The following SPATA31E1 variants were observed in gnomAD, a reference collection of about 807,000 sequenced individuals.
The protein encoded by SPATA31E1 is spermatogenesis-associated protein 31E1.
A neutral mutation model predicts 12.9 loss-of-function variants in SPATA31E1; 7 were observed. The ratio of observed to expected loss-of-function variants is 0.54; its 90% CI spans 0.31 to 1.02. The LOEUF (loss-of-function observed/expected upper bound fraction) is 1.02. Ranked by LOEUF, SPATA31E1 falls within the 50% of genes least tolerant of loss-of-function variation. SPATA31E1 has a pLI of 0.05. For missense variants in SPATA31E1, 1,961 were observed against 1,799.8 expected, an observed-to-expected ratio of 1.09 and a Z score of -1.62; for synonymous variants, 771 against 719.0, an observed-to-expected ratio of 1.07 and a Z score of -1.16.
rs757646229 is a variant in SPATA31E1 at position 87,885,298 on chromosome 9, A to C, written c.811A>C (p.Thr271Pro). The C allele has an allele frequency of 2.5e-6, 4 of 1,613,986 alleles. No individual in the cohort carries two copies. The Admixed American group carries it at 6.7e-5, about 27-fold the overall frequency. ...SSLAGLQCGS[T>P]TCPVPQSSPL... ...CCTGGCTGGACTTCAGTGTGGCTCC[A>C]CAACATGCCCCGTCCCCCAGAGCTC... The change falls in exon 4 of 4, where the codon ACA (threonine) becomes CCA (proline). Residue 271 changes from threonine (T) to proline (P), a missense_variant. Transcript: ENST00000325643.
rs1564127394 is a variant in SPATA31E1, at chr9:87,884,025, A to C, written c.343A>C (p.Arg115=). The C allele has an allele frequency of 7.5e-6, 12 of 1,606,792 alleles. No homozygotes were observed. Among genetic ancestry groups the C allele is most frequent in the Non-Finnish European group, 1.0e-5 (12 of 1,176,178 alleles). ...QRERSGRSRS[R]KISALKACRI... is the part of the protein sequence containing the mutation. Reference sequence around the variant, plus strand: ...GGAGAGAAGCGGGAGGTCCAGGAGCAGGAAGATCTCAGCTCTGAAAGGTGA... The same window carrying C: ...GGAGAGAAGCGGGAGGTCCAGGAGCCGGAAGATCTCAGCTCTGAAAGGTGA... Residue 115 remains arginine (R), a synonymous_variant, in exon 2 of 4, where the codon AGG becomes CGG. Transcript: ENST00000325643.
At position 87,887,374 on chromosome 9, in the gene SPATA31E1, A is replaced by G. The variant is rs186321549; in HGVS notation, c.2887A>G (p.Thr963Ala). The change falls in exon 4 of 4, where the codon ACA becomes GCA. Residue 963 changes from threonine to alanine, a missense_variant. Thr to Ala is a moderately conservative substitution (Grantham distance 58). Coordinates refer to ENST00000325643, the MANE Select transcript of SPATA31E1 (RefSeq NM_178828.5). ...HKGRGCSQPP[T>A]CSLVGRTWQS... is the part of the protein sequence containing the mutation. ...GGGCAGGGGGTGTTCTCAGCCCCCA[A>G]CATGCAGCCTTGTGGGCAGAACCTG... The G allele has an allele frequency of 6.5e-4, 1,052 of 1,613,830 alleles. 1 individual carries two copies. Among genetic ancestry groups the G allele is most frequent in the Admixed American group, 1.8e-3 (107 of 60,030 alleles).
rs1297133300 is a variant in SPATA31E1 at position 87,886,152 on chromosome 9, G to A, written c.1665G>A (p.Arg555=). The change falls in exon 4 of 4, where the codon AGG becomes AGA. Residue 555 remains arginine (R), a synonymous_variant. Transcript: ENST00000325643. ...CATCTTACCCTACATCCCAGGAGAG[G>A]ACACAGTCTGTCATCCCCACTGGAA... ...CGASYPTSQE[R]TQSVIPTGKE... is the part of the protein sequence containing the mutation. The A allele has an allele frequency of 3.7e-6, 6 of 1,603,924 alleles. No homozygotes were observed. The highest frequency in any genetic ancestry group is 5.1e-6 in the Non-Finnish European group (6 of 1,173,820).
Position 87,888,764 on chromosome 9 carries a change from C to T in SPATA31E1, c.4277C>T (p.Ser1426Leu), listed in dbSNP as rs763925690. 26 of 1,613,140 alleles carry T rather than the reference C, an allele frequency of 1.6e-5. No individual in the cohort carries two copies. The South Asian group carries it at 2.5e-4, about 16-fold the overall frequency. Residue 1426 changes from serine (S) to leucine (L), a missense_variant, in exon 4 of 4, where the codon TCG (serine) becomes TTG (leucine). By Grantham distance (145) the Ser-to-Leu change is moderately radical (BLOSUM62 -2). Coordinates refer to ENST00000325643, the MANE Select transcript of SPATA31E1 (RefSeq NM_178828.5). ...CACAGGCCAAGAATGGCAAGCACCT[C>T]GGGCGGCCCCCATCCACAGCTGCAG... ...HHHRPRMAST[S>L]GGPHPQLQEL...
rs138350788 is a variant in SPATA31E1, at chr9:87,887,109, C to G, written c.2622C>G (p.Thr874=). The G allele has an allele frequency of 6.2e-7, 1 of 1,614,116 alleles. No individual in the cohort carries two copies. Among genetic ancestry groups the G allele is most frequent in the Non-Finnish European group, 8.5e-7 (1 of 1,180,022 alleles). ...AGGCCCCGCCCTTCCCACAATCCACCTTTACCCCCTGGGCCTCCTGGGTAT... is the reference window on the plus strand; with the variant it reads ...AGGCCCCGCCCTTCCCACAATCCACGTTTACCCCCTGGGCCTCCTGGGTAT... ...EAQAPPFPQS[T]FTPWASWVSR... is the part of the protein sequence containing the mutation. The change falls in exon 4 of 4, where the codon ACC becomes ACG. Residue 874 remains threonine, a synonymous_variant. Coordinates refer to ENST00000325643, the MANE Select transcript of SPATA31E1 (RefSeq NM_178828.5).
In SPATA31E1 at chr9:87,885,530, A is replaced by T. The variant is rs1286911280; in HGVS notation, c.1043A>T (p.His348Leu). The change falls in exon 4 of 4, where the codon CAC (histidine) becomes CTC (leucine). Residue 348 changes from histidine (H) to leucine (L), a missense_variant. By Grantham distance (99) the His-to-Leu change is moderately conservative. Coordinates refer to ENST00000325643, the MANE Select transcript of SPATA31E1 (RefSeq NM_178828.5). ...TTCTGGGGAGACCCCACACCCAAGC[A>T]CATGGAGGTAGGTGGCTGCACATTC... ...ASFWGDPTPK[H>L]MEVGGCTFIH... The T allele has an allele frequency of 6.2e-7, 1 of 1,614,182 alleles. No individual in the cohort carries two copies. Among genetic ancestry groups the T allele is most frequent in the Non-Finnish European group, 8.5e-7 (1 of 1,180,034 alleles).
In SPATA31E1 at chr9:87,885,901, G is replaced by A. The variant is rs1175884670; in HGVS notation, c.1414G>A (p.Asp472Asn). The A allele has an allele frequency of 6.2e-7, 1 of 1,613,956 alleles. No homozygotes were observed. Among genetic ancestry groups the A allele is most frequent in the Non-Finnish European group, 8.5e-7 (1 of 1,180,010 alleles). The change falls in exon 4 of 4, where the codon GAT becomes AAT. Residue 472 changes from aspartate (D) to asparagine (N), a missense_variant. Asp to Asn is a conservative substitution (Grantham distance 23, BLOSUM62 1). Coordinates refer to ENST00000325643, the MANE Select transcript of SPATA31E1 (RefSeq NM_178828.5). The part of the protein sequence containing the change: ...SSQNAHSVPL[D>N]KASTSLPGEP... The stretch of plus-strand genomic sequence containing the variant: ...ACAGAATGCACACTCTGTACCACTG[G>A]ATAAAGCCTCCACTTCTCTTCCAGG...
rs1828292638 is a variant in SPATA31E1, at chr9:87,887,057, CCATAAA to C, written c.2571_2576del (p.Ile858_Asn859del). Reference sequence around the variant, plus strand: ...GGTACAGACCTCCAGTCCCTGGAGCCCATAAATGTCTGGTCAGGTGAGGCTCAGGCC... The same window carrying C: ...GGTACAGACCTCCAGTCCCTGGAGCCTGTCTGGTCAGGTGAGGCTCAGGCC... On this transcript the variant is annotated inframe_deletion, in exon 4 of 4. Coordinates refer to ENST00000325643, the MANE Select transcript of SPATA31E1 (RefSeq NM_178828.5). The C allele has an allele frequency of 6.2e-7, 1 of 1,613,938 alleles. No homozygotes were observed. The highest frequency in any genetic ancestry group is 1.3e-5 in the African/African-American group (1 of 74,920).
At position 87,887,757 on chromosome 9, in the gene SPATA31E1, G is replaced by T. The variant is rs1349905383; in HGVS notation, c.3270G>T (p.Leu1090=). The T allele has an allele frequency of 6.2e-7, 1 of 1,614,042 alleles. No individual in the cohort carries two copies. Among genetic ancestry groups the T allele is most frequent in the African/African-American group, 1.3e-5 (1 of 75,058 alleles). ...GTGTTGCTCAGGATCCAGAGCAGCT[G>T]CACCTGAAAGCGCAGGTGGTCAGTG... ...SVCVAQDPEQ[L]HLKAQVVSEI... is the part of the protein sequence containing the mutation. Residue 1090 remains leucine, a synonymous_variant, in exon 4 of 4, where the codon CTG becomes CTT. Transcript: ENST00000325643.
rs756542361 is a variant in SPATA31E1 at position 87,885,970 on chromosome 9, C to A, written c.1483C>A (p.Pro495Thr). The change falls in exon 4 of 4, where the codon CCC (proline) becomes ACC (threonine). Residue 495 changes from proline (P) to threonine (T), a missense_variant. Coordinates refer to ENST00000325643, the MANE Select transcript of SPATA31E1 (RefSeq NM_178828.5). Reference sequence around the variant, plus strand: ...ATCCTCACAGCTTTCCCAGGCACCGCCCCAGCCCCACCACATGGCCCAGCC... The same window carrying A: ...ATCCTCACAGCTTTCCCAGGCACCGACCCAGCCCCACCACATGGCCCAGCC... Reference protein sequence around the residue: ...EASSQLSQAPPQPHHMAQPQH... With the variant: ...EASSQLSQAPTQPHHMAQPQH... The A allele has an allele frequency of 6.2e-7, 1 of 1,613,436 alleles. No individual in the cohort carries two copies. The highest frequency in any genetic ancestry group is 8.5e-7 in the Non-Finnish European group (1 of 1,180,004).
rs754518582 is a variant in SPATA31E1, at chr9:87,887,288, C to G, written c.2801C>G (p.Pro934Arg). The G allele has an allele frequency of 1.3e-5, 21 of 1,613,690 alleles. No homozygotes were observed. The East Asian group carries it at 3.3e-4, about 26-fold the overall frequency. The part of the protein sequence containing the change: ...PPEQEGVQRP[P>R]RGSQSADTHG... ...GAGCAGGAGGGAGTCCAGAGGCCCC[C>G]GAGAGGGTCCCAGTCAGCTGATACC... is the stretch of plus-strand genomic sequence containing the variant. Residue 934 changes from proline (P) to arginine (R), a missense_variant, in exon 4 of 4, where the codon CCG becomes CGG. Pro to Arg is a moderately radical substitution (Grantham distance 103, BLOSUM62 -2). Transcript: ENST00000325643.
Position 87,886,218 on chromosome 9 carries a change from G to A in SPATA31E1, c.1731G>A (p.Trp577Ter), listed in dbSNP as rs140110300. The A allele has an allele frequency of 4.6e-5, 75 of 1,613,670 alleles. No individual in the cohort carries two copies. Among genetic ancestry groups the A allele is most frequent in the Non-Finnish European group, 6.3e-5 (74 of 1,179,914 alleles). Residue 577 changes from tryptophan to a stop codon, truncating the protein, a stop_gained, in exon 4 of 4, where the codon TGG becomes TGA. Transcript: ENST00000325643. LOFTEE classifies it low-confidence loss of function (END_TRUNC). ...LEWPLKKRPK[W>*]KRVLPSLLKK... ...GGCCCTTGAAGAAGCGACCAAAGTG[G>A]AAGAGGGTTTTGCCCTCTCTCCTCA...
rs779255071 is a variant in SPATA31E1, at chr9:87,886,854, G to A, written c.2367G>A (p.Trp789Ter). 1.2e-6 allele frequency: 2 copies of A among 1,614,146 alleles called. No homozygotes were observed. Among genetic ancestry groups the A allele is most frequent in the Non-Finnish European group, 1.7e-6 (2 of 1,180,024 alleles). The change falls in exon 4 of 4, where the codon TGG (tryptophan) becomes TGA (stop). Residue 789 changes from tryptophan to a stop codon, truncating the protein, a stop_gained. Transcript: ENST00000325643. LOFTEE classifies it low-confidence loss of function (END_TRUNC). ...GWIPMPVRRSWLMAKCAVPKS... is the reference protein window; with the variant it reads ...GWIPMPVRRS ...TCCCCATGCCTGTGCGTCGCTCCTG[G>A]CTCATGGCCAAATGTGCTGTTCCCA...
chr9:87,888,886 T>C lies in SPATA31E1; in HGVS notation c.*61T>C, dbSNP rs1828339106. On this transcript the variant is annotated 3_prime_UTR_variant, in exon 4 of 4. Transcript: ENST00000325643. ...ACAGGGGGTTCTACTCAAATAAAAC[T>C]GATGCCTACACAATAAACCTGTCCT... 4.1e-6 allele frequency: 6 copies of C among 1,460,940 alleles called. No homozygotes were observed. In the Admixed American group the frequency reaches 1.4e-4, roughly 35 times the overall value. The allele number at this position is 1,460,940 out of a possible 1,614,324, so 90.5% of individuals were successfully genotyped here.
Position 87,887,563 on chromosome 9 carries a change from TGGGCA to T in SPATA31E1, c.3077_3081del (p.Trp1026Ter). 1 of 1,614,084 alleles carries T rather than the reference TGGGCA, an allele frequency of 6.2e-7. No homozygotes were observed. The highest frequency in any genetic ancestry group is 8.5e-7 in the Non-Finnish European group (1 of 1,180,030). On this transcript the variant is annotated frameshift_variant, in exon 4 of 4. Coordinates refer to ENST00000325643, the MANE Select transcript of SPATA31E1 (RefSeq NM_178828.5). LOFTEE classifies it low-confidence loss of function (END_TRUNC). ...GCAAGTGCTCAGCATAGGGTCCCAG[TGGGCA>T]AGGGCTGAAGATGCCCTGCAGGCAC...
In SPATA31E1 at chr9:87,887,285, C is replaced by A. The variant is rs751128403; in HGVS notation, c.2798C>A (p.Pro933His). The change falls in exon 4 of 4, where the codon CCC (proline) becomes CAC (histidine). Residue 933 changes from proline to histidine, a missense_variant. Transcript: ENST00000325643. ...PPPEQEGVQR[P>H]PRGSQSADTH... ...CCTGAGCAGGAGGGAGTCCAGAGGC[C>A]CCCGAGAGGGTCCCAGTCAGCTGAT... 3.2e-5 allele frequency: 52 copies of A among 1,613,790 alleles called. No homozygotes were observed. In the Middle Eastern group the frequency reaches 6.6e-4, roughly 20 times the overall value.
Position 87,886,876 on chromosome 9 carries a change from C to T in SPATA31E1, c.2389C>T (p.Pro797Ser), listed in dbSNP as rs748046417. ...RSWLMAKCAV[P>S]KSDTHRKPGK... is the part of the protein sequence containing the mutation. ...CTGGCTCATGGCCAAATGTGCTGTT[C>T]CCAAGTCTGACACCCACAGGAAACC... The change falls in exon 4 of 4, where the codon CCC becomes TCC. Residue 797 changes from proline (P) to serine (S), a missense_variant. Coordinates refer to ENST00000325643, the MANE Select transcript of SPATA31E1 (RefSeq NM_178828.5). 3.7e-6 allele frequency: 6 copies of T among 1,614,018 alleles called. No homozygotes were observed. In the African/African-American group the frequency reaches 6.7e-5, roughly 18 times the overall value.
Position 87,887,120 on chromosome 9 carries a change from G to A in SPATA31E1, c.2633G>A (p.Trp878Ter). The A allele has an allele frequency of 6.2e-7, 1 of 1,614,048 alleles. No individual in the cohort carries two copies. Among genetic ancestry groups the A allele is most frequent in the Non-Finnish European group, 8.5e-7 (1 of 1,180,010 alleles). Residue 878 changes from tryptophan to a stop codon, truncating the protein, a stop_gained, in exon 4 of 4, where the codon TGG (tryptophan) becomes TAG (stop). Coordinates refer to ENST00000325643, the MANE Select transcript of SPATA31E1 (RefSeq NM_178828.5). LOFTEE classifies it low-confidence loss of function (END_TRUNC). ...TTCCCACAATCCACCTTTACCCCCT[G>A]GGCCTCCTGGGTATCTCGGGTTGAA... ...PPFPQSTFTP[W>*]ASWVSRVESV...
At position 87,884,604 on chromosome 9, in the gene SPATA31E1, C is replaced by A; in HGVS notation, c.378C>A (p.Leu126=). The change falls in exon 3 of 4, where the codon CTC becomes CTA. Residue 126 remains leucine (L), a synonymous_variant. Transcript: ENST00000325643. ...KISALKACRI[L]LRELEETRDL... The stretch of plus-strand genomic sequence containing the variant: ...CCTGATTTCCAGCTTGCAGAATCCT[C>A]CTGAGGGAGCTGGAGGAGACTCGGG... The A allele has an allele frequency of 6.2e-7, 1 of 1,614,150 alleles. No homozygotes were observed. Among genetic ancestry groups the A allele is most frequent in the South Asian group, 1.1e-5 (1 of 91,080 alleles).
Sources: gnomAD v4.1 joint callset for allele counts on GRCh38, gnomAD v4.1.1 for gene constraint, MANE v1.5 for transcripts, NCBI Gene and HGNC (gene_info 2026-07-23, HGNC 2026-07-21) for gene names.